BRF1: variants seen among roughly 807,000 people sequenced by gnomAD.
BRF1 encodes the protein transcription factor IIIB 90 kDa subunit.
In BRF1, 59 loss-of-function variants were observed where a neutral mutation model predicts 81.7. The ratio of observed to expected loss-of-function variants is 0.72; its 90% CI spans 0.59 to 0.90. The LOEUF (loss-of-function observed/expected upper bound fraction) is 0.90, where lower values mean the gene tolerates loss of function less well. BRF1 is among the 40% of genes least tolerant of loss of function. The pLI, the probability that BRF1 is intolerant of heterozygous loss-of-function variation, is 0.00. For missense variants in BRF1, 1,050 were observed against 936.3 expected (o/e 1.12, Z -1.58); for synonymous variants, 491 against 395.6 (o/e 1.24, Z -2.86).
At chr14:105,249,087 T>C in intron 5 of BRF1, 1 of 1,461,830 alleles carries the variant, frequency 6.8e-7, no homozygotes, top group Non-Finnish European at 9.0e-7. Context: ...GCGCGAGAGG[T>C]GAGCCCGTGC....
chr14:105,245,573 A>AACAGGACAGG (rs55995608), intron 5 of BRF1, among the ~76,000 whole-genome samples: 1 of 151,528 alleles, frequency 6.6e-6, no homozygotes, highest in Non-Finnish European at 1.5e-5. Context: ...AACAGAACAG[A>AACAGGACAGG]ACAGGACAGG....
chr14:105,242,522 G>A (rs146708163), intron 5 of BRF1: 1 of 152,010 alleles, frequency 6.6e-6, no homozygotes, highest in Non-Finnish European at 1.5e-5. Flanking sequence ...GATCACCTGA[G>A]GTCCGCAGTT....
At chr14:105,228,773 G>C (rs766304045) in intron 7 of BRF1, 47 bp downstream of exon 7, 1 of 1,603,896 alleles carries the variant, frequency 6.2e-7, no homozygotes, top group Non-Finnish European at 8.5e-7. Flanking sequence ...GAGCTGGACT[G>C]ATGAAGCCTC....
At chr14:105,249,264 CCT>C (rs2055413383) in intron 5 of BRF1, 1 of 1,563,636 alleles carries the variant, frequency 6.4e-7, no homozygotes, top group Non-Finnish European at 8.6e-7. Flanking sequence ...AGCGGCGGCC[CCT>C]CTCGGAACGC....
At chr14:105,229,600 G>A (rs587724649) in intron 6 of BRF1, among the ~76,000 whole-genome samples, 2 of 152,234 alleles carry the variant, frequency 1.3e-5, no homozygotes, top group Non-Finnish European at 2.9e-5. Flanking sequence ...CTGCGACCTG[G>A]GGGGTCACAG....
intron 4 of BRF1, 173 bp downstream of exon 4, chr14:105,256,345 C>CAT (rs763823443): frequency 6.4e-7 from 1 of 1,556,362 alleles, no homozygotes; most frequent in African/African-American, 1.4e-5. Flanking sequence ...CTGTGACCCC[C>CAT]ATGTCATGAA....
intron 3 of BRF1, among the ~76,000 whole-genome samples, chr14:105,262,796 T>C (rs2056219122): frequency 6.6e-6 from 1 of 151,414 alleles, no homozygotes; most frequent in Non-Finnish European, 1.5e-5. Context: ...GTGGCACGAG[T>C]GTAAGGTGCA....
At position 105,243,470 on chromosome 14, in the gene BRF1, A is replaced by T. The variant is rs1268273121; in HGVS notation, c.545-2056T>A. 4.5e-5 allele frequency among the ~76,000 whole-genome samples: 4 copies of T among 89,712 alleles called. No homozygotes were observed. The East Asian group carries it at 7.7e-4, about 17-fold the overall frequency. 58.9% of individuals were successfully genotyped at this position (89,712 alleles called of 152,430 possible). Reference sequence around the variant, plus strand: ...TCTGTCTCTTAAAAAAAAAAAAATAAAAATAAAAAATTAGTGGGTGTGGTC... The same window carrying T: ...TCTGTCTCTTAAAAAAAAAAAAATATAAATAAAAAATTAGTGGGTGTGGTC... On this transcript the variant is annotated intron_variant, in intron 5 of 17. Transcript: ENST00000547530.
chr14:105,312,469 C>G (rs2058373174), intron 1 of BRF1, among the ~76,000 whole-genome samples: 1 of 152,218 alleles, frequency 6.6e-6, no homozygotes, highest in South Asian at 2.1e-4. Context: ...GCCCAGCCAC[C>G]CCAGTCATCC....
At chr14:105,242,431 A>G (rs955760257) in intron 5 of BRF1, 2 of 152,194 alleles carry the variant, frequency 1.3e-5, no homozygotes, top group South Asian at 4.1e-4. Context: ...AGAAATAAAG[A>G]GAACGATAAA....
In BRF1 at chr14:105,306,227, G is replaced by A. The variant is rs74515425; in HGVS notation, c.-162+9095C>T. Among the ~76,000 whole-genome samples the A allele has an allele frequency of 1.3e-3, 195 of 152,274 alleles. 7 individuals are homozygous for A. The East Asian group carries it at 0.028, about 22-fold the overall frequency. The stretch of plus-strand genomic sequence containing the variant: ...GTTAGAGTTTTGAAGGACACGCCTA[G>A]GCACCTGCAAACTTCCCCTCCTGGA... On this transcript the variant is annotated intron_variant, in intron 1 of 17. Transcript: ENST00000327359.
In BRF1 at chr14:105,250,608, C is replaced by T. The variant is rs587764427; in HGVS notation, c.544+1899G>A. The T allele has an allele frequency of 1.9e-5, 31 of 1,614,014 alleles. No individual in the cohort carries two copies. The highest frequency in any genetic ancestry group is 1.3e-5 in the Non-Finnish European group (15 of 1,180,026). The stretch of plus-strand genomic sequence containing the variant: ...GTGGCCTTCCAGTTCCAGTGCTCCT[C>T]GGACAGCACCAACGGGACTGGGGTC... On this transcript the variant is annotated intron_variant, in intron 5 of 17. Coordinates refer to ENST00000547530, the MANE Select transcript of BRF1 (RefSeq NM_001519.4).
chr14:105,246,619 G>A (rs1190441629), intron 5 of BRF1, among the ~76,000 whole-genome samples: 3 of 150,846 alleles, frequency 2.0e-5, no homozygotes, highest in Admixed American at 6.6e-5. Flanking sequence ...ACAGGTGCCC[G>A]TTAATTTTTG....
intron 2 of BRF1, among the ~76,000 whole-genome samples, chr14:105,278,422 G>A (rs1302967150): frequency 2.8e-5 from 4 of 144,110 alleles, no homozygotes; most frequent in Non-Finnish European, 4.5e-5. Context: ...GCAAGAGAGC[G>A]AGACCCTGTC....
intron 5 of BRF1, chr14:105,247,915 A>G: frequency 2.0e-6 from 2 of 985,458 alleles, no homozygotes. Context: ...CCAGGCCGGG[A>G]GGCTAGAGGC....
In BRF1 at chr14:105,252,494, C is replaced by A. The variant is rs1459426234; in HGVS notation, c.544+13G>T. On this transcript the variant is annotated intron_variant, in intron 5 of 17. Coordinates refer to ENST00000547530, the MANE Select transcript of BRF1 (RefSeq NM_001519.4). ...GCCTGCCGGACACCCCAGCATCTCACCCAGATGCCTACCTATGGCCGGCGC... is the reference window on the plus strand; with the variant it reads ...GCCTGCCGGACACCCCAGCATCTCAACCAGATGCCTACCTATGGCCGGCGC... The A allele has an allele frequency of 6.2e-7, 1 of 1,612,970 alleles. No individual in the cohort carries two copies. The highest frequency in any genetic ancestry group is 1.3e-5 in the African/African-American group (1 of 74,896).
intron 3 of BRF1, 54 bp from the exon 4 acceptor site, chr14:105,256,603 C>T: frequency 1.2e-6 from 2 of 1,601,644 alleles, no homozygotes; most frequent in South Asian, 2.2e-5. Context: ...GGTTACTCGC[C>T]CACCTTCAAA....
intron 2 of BRF1, among the ~76,000 whole-genome samples, chr14:105,281,113 A>G (rs992858612): frequency 1.4e-4 from 20 of 146,752 alleles, no homozygotes; most frequent in Admixed American, 1.0e-3. Context: ...GTGTGGATAC[A>G]GCCTGCGTGA....
At position 105,300,710 on chromosome 14, in the gene BRF1, G is replaced by C; in HGVS notation, c.-81C>G. 1 of 1,113,418 alleles carries C rather than the reference G, an allele frequency of 9.0e-7. No homozygotes were observed. Among genetic ancestry groups the C allele is most frequent in the Non-Finnish European group, 1.1e-6 (1 of 884,676 alleles). 69.0% of individuals were successfully genotyped at this position (1,113,418 alleles called of 1,614,324 possible). A position where few individuals can be genotyped will look rare whatever the true frequency, so the allele number is the denominator to read the frequency against. On this transcript the variant is annotated 5_prime_UTR_variant, in exon 1 of 18. Coordinates refer to ENST00000547530, the MANE Select transcript of BRF1 (RefSeq NM_001519.4). The stretch of plus-strand genomic sequence containing the variant: ...GCCTCCGGAGCAGCCCGCGCCGCCC[G>C]CCCAGGCCCAGCCGCCCAGGCCTCG...
Sources: gnomAD v4.1 joint callset for allele counts (sites outside exome capture counted in the v4.1 genomes callset) on GRCh38, gnomAD v4.1.1 for gene constraint, MANE v1.5 for transcripts, NCBI Gene and HGNC (gene_info 2026-07-23, HGNC 2026-07-21) for gene names.